The following EVI5 variants were observed in gnomAD, a reference collection of about 807,000 sequenced individuals.
EVI5 encodes ecotropic viral integration site 5 protein homolog.
In EVI5, 73 loss-of-function variants were observed where a neutral mutation model predicts 112.0. The ratio of observed to expected loss-of-function variants is 0.65; its 90% CI spans 0.54 to 0.79. The LOEUF (loss-of-function observed/expected upper bound fraction) is 0.79, where lower values mean the gene tolerates loss of function less well. EVI5 is among the 30% of genes least tolerant of loss of function. The probability of loss-of-function intolerance (pLI) is 0.00; values close to 1 mark genes in which losing one functional copy is unlikely to be tolerated. For missense variants in EVI5, 900 were observed against 968.8 expected (o/e 0.93, Z 0.94); for synonymous variants, 305 against 319.9 (o/e 0.95, Z 0.50).
chr1:92,550,781 A>AAAAAAAAT (rs1557766166), intron 19 of EVI5, among the ~76,000 whole-genome samples: 2 of 20,318 alleles, frequency 9.8e-5, no homozygotes, highest in Admixed American at 1.2e-3. Context: ...AAAAAAAAAA[A>AAAAAAAAT]ATATATATAT....
chr1:92,594,269 A>T (rs1183281927), intron 18 of EVI5, among the ~76,000 whole-genome samples: 1 of 152,236 alleles, frequency 6.6e-6, no homozygotes, highest in Non-Finnish European at 1.5e-5. Flanking sequence ...CCACATATCT[A>T]TGACTATCTG....
intron 2 of EVI5, among the ~76,000 whole-genome samples, chr1:92,716,671 T>C (rs1166965695): frequency 1.4e-5 from 2 of 147,560 alleles, no homozygotes; most frequent in Non-Finnish European, 1.5e-5. Context: ...AACAAACTTC[T>C]CCAAGCTAAA....
At position 92,760,334 on chromosome 1, in the gene EVI5, TA is replaced by T. The variant is rs560576594; in HGVS notation, c.-81-23708del. Among the ~76,000 whole-genome samples the T allele has an allele frequency of 1.6e-3, 250 of 152,292 alleles. 3 individuals carry two copies. The highest frequency in any genetic ancestry group is 1.0e-3 in the South Asian group (5 of 4,822). Reference sequence around the variant, plus strand: ...CTGAGAAGGGAGCTGACCTGGAGCCTAAAAGCATCTTTTTTTCTTTTTTCCT... The same window carrying T: ...CTGAGAAGGGAGCTGACCTGGAGCCTAAAGCATCTTTTTTTCTTTTTTCCT... On this transcript the variant is annotated intron_variant, in intron 1 of 19. Coordinates refer to ENST00000684568, the MANE Select transcript of EVI5 (RefSeq NM_001350197.2).
intron 19 of EVI5, among the ~76,000 whole-genome samples, chr1:92,544,168 G>C (rs1193704222): frequency 6.6e-6 from 1 of 152,190 alleles, no homozygotes; most frequent in Non-Finnish European, 1.5e-5. Context: ...GCCTAGGGTT[G>C]GGGGAATAAG....
At chr1:92,531,394 C>T (rs1236833118) in intron 19 of EVI5, among the ~76,000 whole-genome samples, 3 of 152,104 alleles carry the variant, frequency 2.0e-5, no homozygotes, top group African/African-American at 7.2e-5. Flanking sequence ...GCTTCCCCAA[C>T]CTAGCAAGGT....
intron 2 of EVI5, among the ~76,000 whole-genome samples, chr1:92,709,059 A>T (rs1217629191): frequency 2.6e-5 from 4 of 152,230 alleles, no homozygotes; most frequent in Non-Finnish European, 5.9e-5. Flanking sequence ...GTGAGTAGAC[A>T]AAACACAACT....
At position 92,780,982 on chromosome 1, in the gene EVI5, G is replaced by C. The variant is rs930918476; in HGVS notation, c.-82+3854C>G. 2.6e-5 allele frequency among the ~76,000 whole-genome samples: 4 copies of C among 151,804 alleles called. No individual in the cohort carries two copies. The East Asian group carries it at 5.9e-4, about 22-fold the overall frequency. ...TTCTCCTGCCTCAGCCTCCTGAGTA[G>C]CTGGGATTACAGGCACCCGCCACCA... On this transcript the variant is annotated intron_variant, in intron 1 of 19. Coordinates refer to ENST00000684568, the MANE Select transcript of EVI5 (RefSeq NM_001350197.2).
intron 16 of EVI5, among the ~76,000 whole-genome samples, chr1:92,608,532 C>T (rs966019612): frequency 9.9e-5 from 15 of 151,860 alleles, no homozygotes; most frequent in African/African-American, 1.5e-4. Context: ...GGTGAAACCC[C>T]GTATCTACTA....
chr1:92,599,001 A>T (rs7556243), intron 18 of EVI5, among the ~76,000 whole-genome samples: 139,977 of 151,924 alleles, frequency 0.92, 64,575 homozygotes, highest in East Asian at 0.97. Context: ...AGTAGACTGA[A>T]TAATCTTTGA....
At chr1:92,744,857 C>T (rs1679027372) in intron 1 of EVI5, among the ~76,000 whole-genome samples, 1 of 152,086 alleles carries the variant, frequency 6.6e-6, no homozygotes, top group Admixed American at 6.6e-5. Context: ...TTTTTTATTA[C>T]AGCAATTCTC....
intron 16 of EVI5, among the ~76,000 whole-genome samples, chr1:92,621,850 C>T (rs928448424): frequency 5.3e-5 from 8 of 152,040 alleles, no homozygotes; most frequent in African/African-American, 1.4e-4. Context: ...AGGCAGGGCA[C>T]GGTGGCTCAC....
At chr1:92,541,323 G>A (rs1326847958) in intron 19 of EVI5, among the ~76,000 whole-genome samples, 1 of 152,100 alleles carries the variant, frequency 6.6e-6, no homozygotes, top group Non-Finnish European at 1.5e-5. Flanking sequence ...TTAAAAATAG[G>A]CGAAGGATCT....
In EVI5 at chr1:92,603,710, C is replaced by A. The variant is rs796760533; in HGVS notation, c.2070+1597G>T. ...ATATCTTTATTCTATAAGCTTTTTT[C>A]TATTTTTAATTTTAATTTTTAATAA... On this transcript the variant is annotated intron_variant, in intron 18 of 19. Transcript: ENST00000684568. Among the ~76,000 whole-genome samples, 15 of 150,972 alleles carry A rather than the reference C, an allele frequency of 9.9e-5. No homozygotes were observed. The South Asian group carries it at 3.1e-3, about 31-fold the overall frequency.
At chr1:92,771,476 T>C (rs1444479914) in intron 1 of EVI5, among the ~76,000 whole-genome samples, 1 of 152,064 alleles carries the variant, frequency 6.6e-6, no homozygotes, top group African/African-American at 2.4e-5. Context: ...TACATAGGGG[T>C]CACCTGATCC....
intron 13 of EVI5, among the ~76,000 whole-genome samples, chr1:92,660,695 T>C (rs192331392): frequency 6.6e-6 from 1 of 151,964 alleles, no homozygotes; most frequent in Non-Finnish European, 1.5e-5. Context: ...TGAATAGATA[T>C]GCTAAGTGAA....
chr1:92,641,472 G>C (rs968221039), intron 13 of EVI5, among the ~76,000 whole-genome samples: 8 of 152,136 alleles, frequency 5.3e-5, no homozygotes, highest in African/African-American at 1.9e-4. Flanking sequence ...CTATAAAACT[G>C]ATGGTTAATC....
rs79140804 is a variant in EVI5 at position 92,656,612 on chromosome 1, T to G, written c.1392+6107A>C. On this transcript the variant is annotated intron_variant, in intron 13 of 19. Coordinates refer to ENST00000684568, the MANE Select transcript of EVI5 (RefSeq NM_001350197.2). The stretch of plus-strand genomic sequence containing the variant: ...TCAAAGAAATGAAAAGTGGGTTCTT[T>G]GAAAAAAATAAACAAAACCAATATA... 7.9e-5 allele frequency among the ~76,000 whole-genome samples: 12 copies of G among 151,706 alleles called. No individual in the cohort carries two copies. In the East Asian group the frequency reaches 2.3e-3, roughly 29 times the overall value.
At chr1:92,652,581 C>T (rs1211726877) in intron 13 of EVI5, among the ~76,000 whole-genome samples, 1 of 152,196 alleles carries the variant, frequency 6.6e-6, no homozygotes, top group African/African-American at 2.4e-5. Context: ...GAAGAGGTAT[C>T]TGTACTCCCA....
At chr1:92,549,107 G>C (rs1407474360) in intron 19 of EVI5, among the ~76,000 whole-genome samples, 2 of 151,604 alleles carry the variant, frequency 1.3e-5, no homozygotes, top group African/African-American at 4.8e-5. Flanking sequence ...ATACTACAAG[G>C]CTACAGTAAC....
Sources: gnomAD v4.1 joint callset for allele counts (sites outside exome capture counted in the v4.1 genomes callset) on GRCh38, gnomAD v4.1.1 for gene constraint, MANE v1.5 for transcripts, NCBI Gene and HGNC (gene_info 2026-07-23, HGNC 2026-07-21) for gene names.